Variants in PLPPR5 observed in about 807,000 individuals in gnomAD.
The protein encoded by PLPPR5 is phospholipid phosphatase related 5.
PLPPR5 carries 16 observed loss-of-function variants against 33.9 expected under a neutral mutation model. That is an observed-to-expected ratio of 0.47 (90% CI 0.32 to 0.72). PLPPR5 has a LOEUF of 0.72. Among genes scored for constraint, PLPPR5 ranks in the 30% least tolerant of loss-of-function variants. The pLI, the probability that PLPPR5 is intolerant of heterozygous loss-of-function variation, is 0.03. For missense variants in PLPPR5, 301 were observed against 406.7 expected, an observed-to-expected ratio of 0.74 and a Z score of 2.23; for synonymous variants, 163 against 150.3, an observed-to-expected ratio of 1.08 and a Z score of -0.62.
chr1:98,992,954 G>T (rs1652500911), intron 1 of PLPPR5, among the ~76,000 whole-genome samples: 1 of 152,100 alleles, frequency 6.6e-6, no homozygotes, highest in African/African-American at 2.4e-5. Context: ...CTTCCTTTAT[G>T]TGGGGTCATA....
intron 5 of PLPPR5, among the ~76,000 whole-genome samples, chr1:98,893,375 C>A (rs1648353023): frequency 1.3e-5 from 2 of 151,966 alleles, no homozygotes; most frequent in African/African-American, 4.8e-5. Flanking sequence ...ATAAAAATGG[C>A]AATGCCAGAC....
chr1:98,958,919 G>T (rs901257237), intron 1 of PLPPR5, among the ~76,000 whole-genome samples: 1 of 151,952 alleles, frequency 6.6e-6, no homozygotes, highest in South Asian at 2.1e-4. Flanking sequence ...GCTTCCACGG[G>T]GTCTCCATCC....
intron 1 of PLPPR5, among the ~76,000 whole-genome samples, chr1:98,988,895 A>G (rs1276625195): frequency 6.6e-6 from 1 of 152,118 alleles, no homozygotes; most frequent in African/African-American, 2.4e-5. Context: ...AACTCAGATC[A>G]TTATATGAAC....
At chr1:98,899,305 C>A (rs2101133849) in intron 5 of PLPPR5, among the ~76,000 whole-genome samples, 1 of 152,332 alleles carries the variant, frequency 6.6e-6, no homozygotes, top group Non-Finnish European at 1.5e-5. Flanking sequence ...CAAGCCCAGG[C>A]CTTCTGGATC....
intron 5 of PLPPR5, among the ~76,000 whole-genome samples, chr1:98,903,919 C>G (rs1311886025): frequency 1.3e-5 from 2 of 152,168 alleles, no homozygotes; most frequent in African/African-American, 4.8e-5. Flanking sequence ...TTCACCATGA[C>G]CACTGTAATC....
At chr1:98,939,101 G>A (rs1042805009) in intron 3 of PLPPR5, among the ~76,000 whole-genome samples, 1 of 151,624 alleles carries the variant, frequency 6.6e-6, no homozygotes, top group Non-Finnish European at 1.5e-5. Context: ...TAGTAAACCT[G>A]CACATGAACC....
At chr1:98,960,675 G>A (rs1651212809) in intron 1 of PLPPR5, among the ~76,000 whole-genome samples, 1 of 152,208 alleles carries the variant, frequency 6.6e-6, no homozygotes, top group South Asian at 2.1e-4. Context: ...CTACAAGGTT[G>A]CATAGGCTGA....
At position 98,923,756 on chromosome 1, in the gene PLPPR5, T is replaced by C. The variant is rs937044985; in HGVS notation, c.622-1698A>G. ...CTGTGCTTGGAAAAGCTTGATAATT[T>C]CAGTTATGGAGGGTAAGTATACATG... On this transcript the variant is annotated intron_variant, in intron 3 of 5. Transcript: ENST00000263177. 2.6e-5 allele frequency among the ~76,000 whole-genome samples: 4 copies of C among 152,184 alleles called. No individual in the cohort carries two copies. The East Asian group carries it at 5.8e-4, about 22-fold the overall frequency.
At chr1:98,933,714 A>G (rs1392911024) in intron 3 of PLPPR5, among the ~76,000 whole-genome samples, 1 of 152,140 alleles carries the variant, frequency 6.6e-6, no homozygotes, top group Non-Finnish European at 1.5e-5. Context: ...CATACTGACC[A>G]TTCAAATAGC....
chr1:99,004,205 G>A (rs998737794), intron 1 of PLPPR5: 13 of 544,584 alleles, frequency 2.4e-5, no homozygotes, highest in Admixed American at 3.4e-5. Flanking sequence ...GTCACCCAAC[G>A]CTGAAGCCAC....
chr1:98,995,893 C>A (rs1652614205), intron 1 of PLPPR5, among the ~76,000 whole-genome samples: 1 of 151,860 alleles, frequency 6.6e-6, no homozygotes, highest in Admixed American at 6.6e-5. Context: ...GTCTGGATAC[C>A]TTATCTAGTA....
At chr1:98,911,453 A>T (rs1261131812) in intron 5 of PLPPR5, among the ~76,000 whole-genome samples, 2 of 152,166 alleles carry the variant, frequency 1.3e-5, no homozygotes, top group African/African-American at 4.8e-5. Context: ...GATGAATAGA[A>T]TTTTTTTGCT....
chr1:98,958,830 T>A (rs1433726951), intron 1 of PLPPR5, among the ~76,000 whole-genome samples: 1 of 152,108 alleles, frequency 6.6e-6, no homozygotes, highest in Non-Finnish European at 1.5e-5. Flanking sequence ...ATTCTAACAA[T>A]GCATCATCCA....
intron 1 of PLPPR5, 55 bp downstream of exon 1, chr1:99,004,380 A>G (rs902979042): frequency 2.0e-6 from 3 of 1,465,154 alleles, no homozygotes; most frequent in African/African-American, 2.8e-5. Context: ...TCAACCCCGA[A>G]GGCGAGGGGC....
intron 3 of PLPPR5, among the ~76,000 whole-genome samples, chr1:98,951,892 G>T (rs1339491344): frequency 2.0e-5 from 3 of 152,276 alleles, no homozygotes; most frequent in East Asian, 3.9e-4. Flanking sequence ...AGATTTTACA[G>T]ATCTCTTGTT....
intron 1 of PLPPR5, among the ~76,000 whole-genome samples, chr1:99,003,946 C>G (rs1242123494): frequency 1.3e-5 from 2 of 152,120 alleles, no homozygotes; most frequent in Non-Finnish European, 2.9e-5. Context: ...AGGGAGGTGG[C>G]GAAATAGAAA....
At chr1:98,949,627 G>T (rs931853077) in intron 3 of PLPPR5, among the ~76,000 whole-genome samples, 9 of 152,108 alleles carry the variant, frequency 5.9e-5, no homozygotes, top group Non-Finnish European at 8.8e-5. Context: ...CATTTCATGA[G>T]ACTGCATTAG....
intron 1 of PLPPR5, among the ~76,000 whole-genome samples, chr1:98,958,885 C>G (rs532644638): frequency 6.6e-6 from 1 of 152,284 alleles, no homozygotes; most frequent in Admixed American, 6.5e-5. Context: ...TGGCTGCCCT[C>G]TCAGCCTCCT....
chr1:98,942,859 C>T (rs937788980), intron 3 of PLPPR5, among the ~76,000 whole-genome samples: 1 of 152,088 alleles, frequency 6.6e-6, no homozygotes. Flanking sequence ...CCAGCATCAC[C>T]CAGAAGTTCA....
Sources: allele counts gnomAD v4.1 joint callset (sites outside exome capture counted in the v4.1 genomes callset), GRCh38; gene constraint gnomAD v4.1.1; transcripts MANE v1.5; gene names NCBI Gene and HGNC (gene_info 2026-07-23, HGNC 2026-07-21).